METTL15: variants seen among roughly 807,000 people sequenced by gnomAD.
The protein encoded by METTL15 is 12S rRNA N(4)-cytidine methyltransferase METTL15.
A neutral mutation model predicts 38.3 loss-of-function variants in METTL15; 34 were observed. The ratio of observed to expected loss-of-function variants is 0.89; its 90% CI spans 0.68 to 1.18. The LOEUF is 1.18. Among genes scored for constraint, METTL15 ranks in the 50% most tolerant of loss-of-function variants. The pLI is 0.00. For missense variants in METTL15, 438 were observed against 498.4 expected (o/e 0.88, Z 1.15); for synonymous variants, 162 against 170.9 (o/e 0.95, Z 0.41).
intron 3 of METTL15, chr11:28,134,745 G>A (rs569730522): frequency 5.6e-5 from 22 of 395,140 alleles, no homozygotes; most frequent in Non-Finnish European, 8.0e-5. Context: ...GGAACAATTC[G>A]GGTTATTAGA....
chr11:28,333,843 T>C (rs1590336587), downstream of METTL15, among the ~76,000 whole-genome samples: 2 of 151,866 alleles, frequency 1.3e-5, no homozygotes, highest in African/African-American at 4.8e-5. Context: ...TAATTAGATT[T>C]TTTAAATGAA....
At chr11:28,513,957 C>A (rs1327559363) in intron 6 of METTL15, among the ~76,000 whole-genome samples, 1 of 152,186 alleles carries the variant, frequency 6.6e-6, no homozygotes, top group Non-Finnish European at 1.5e-5. Context: ...TGTTTATGGC[C>A]AGTTTTGGGG....
intron 3 of METTL15, among the ~76,000 whole-genome samples, chr11:28,203,487 A>G (rs1852191869): frequency 6.6e-6 from 1 of 152,108 alleles, no homozygotes; most frequent in African/African-American, 2.4e-5. Flanking sequence ...TAAGAAAGAG[A>G]AAACTTTTTG....
At chr11:28,352,155 A>T (rs1419560841) in exon 4 of METTL15, 1 of 152,248 alleles carries the variant, frequency 6.6e-6, no homozygotes, top group Non-Finnish European at 1.5e-5. Context: ...TCTTCACAGC[A>T]TAGGCAAGAA....
At chr11:28,432,348 C>T (rs1590372966) in intron 6 of METTL15, among the ~76,000 whole-genome samples, 1 of 152,126 alleles carries the variant, frequency 6.6e-6, no homozygotes, top group East Asian at 1.9e-4. Flanking sequence ...GTAAAAGAAT[C>T]AATAATTATG....
chr11:28,380,453 A>C (rs755681435), intron 5 of METTL15, among the ~76,000 whole-genome samples: 1 of 152,084 alleles, frequency 6.6e-6, no homozygotes, highest in Non-Finnish European at 1.5e-5. Context: ...TTAATTGGAG[A>C]ATTGAGTCAA....
intron 4 of METTL15, among the ~76,000 whole-genome samples, chr11:28,213,725 G>A (rs1439699405): frequency 1.4e-5 from 2 of 146,944 alleles, no homozygotes; most frequent in Non-Finnish European, 3.0e-5. Context: ...GCGCTATCTC[G>A]GCTCACTGCA....
At chr11:28,158,381 A>G (rs1482184932) in intron 3 of METTL15, among the ~76,000 whole-genome samples, 1 of 152,164 alleles carries the variant, frequency 6.6e-6, no homozygotes, top group Non-Finnish European at 1.5e-5. Flanking sequence ...GAGTTTATGC[A>G]TGGGCTCAGC....
At chr11:28,121,983 T>G (rs562951135) in intron 3 of METTL15, among the ~76,000 whole-genome samples, 1 of 152,114 alleles carries the variant, frequency 6.6e-6, no homozygotes, top group South Asian at 2.1e-4. Flanking sequence ...AATGCAGAAC[T>G]ACTAGACAAC....
At chr11:28,254,794 A>T (rs1443981344) in intron 4 of METTL15, among the ~76,000 whole-genome samples, 1 of 152,090 alleles carries the variant, frequency 6.6e-6, no homozygotes, top group African/African-American at 2.4e-5. Flanking sequence ...GTTGATGTAT[A>T]GATTTTTTTC....
At chr11:28,272,835 C>T (rs1166442466) in intron 4 of METTL15, among the ~76,000 whole-genome samples, 5 of 152,184 alleles carry the variant, frequency 3.3e-5, no homozygotes, top group African/African-American at 9.7e-5. Context: ...AATACTTTGA[C>T]TTCATGGTCT....
chr11:28,430,234 T>TCAGCCCCCCGCCAGGC (rs1850906107), intron 6 of METTL15, among the ~76,000 whole-genome samples: 2 of 114,700 alleles, frequency 1.7e-5, no homozygotes, highest in Non-Finnish European at 3.6e-5. Flanking sequence ...GTGGGGGGGG[T>TCAGCCCCCCGCCAGGC]CAGCCCCCCG....
intron 6 of METTL15, among the ~76,000 whole-genome samples, chr11:28,503,098 G>A (rs901541718): frequency 6.6e-6 from 1 of 152,142 alleles, no homozygotes; most frequent in African/African-American, 2.4e-5. Context: ...CCAGGACTCA[G>A]GCATTAGATG....
At chr11:28,355,103 T>A (rs1387426792) in intron 4 of METTL15, among the ~76,000 whole-genome samples, 1 of 152,134 alleles carries the variant, frequency 6.6e-6, no homozygotes. Context: ...TGTTCCTGGG[T>A]CACCCCCAAA....
intron 6 of METTL15, among the ~76,000 whole-genome samples, chr11:28,303,419 A>G (rs527794339): frequency 2.6e-5 from 4 of 152,316 alleles, no homozygotes; most frequent in Admixed American, 6.5e-5. Context: ...TCAAAGAAGT[A>G]TACCAGTCAC....
chr11:28,296,862 T>G lies in METTL15; in HGVS notation c.709T>G (p.Ser237Ala). The G allele has an allele frequency of 6.2e-7, 1 of 1,613,578 alleles. No homozygotes were observed. Among genetic ancestry groups the G allele is most frequent in the Non-Finnish European group, 8.5e-7 (1 of 1,179,710 alleles). Residue 237 changes from serine to alanine, a missense_variant, in exon 6 of 7, where the codon TCA becomes GCA. Physicochemically the swap from Ser to Ala is moderately conservative, Grantham distance 99. Transcript: ENST00000407364. ...GGAGAAGCATGCCAAGAAAATCGCT[T>G]CAGCAATTGTTCAGGCACGCAGCAT... Reference protein sequence around the residue: ...GEEKHAKKIASAIVQARSIYP... With the variant: ...GEEKHAKKIAAAIVQARSIYP...
chr11:28,333,977 GATA>G (rs1418770588), downstream of METTL15, among the ~76,000 whole-genome samples: 1 of 151,678 alleles, frequency 6.6e-6, no homozygotes, highest in African/African-American at 2.4e-5. Context: ...AAGAAGTAGA[GATA>G]ATGAATCTGT....
rs562657436 is a variant in METTL15, at chr11:28,492,780, A to G, written c.*425-33698A>G. ...GTATCTTATGTAAGTACAGACTGGA[A>G]TAATTTAAGGTATGTGAGGCACCTA... On this transcript the variant is annotated intron_variant and NMD_transcript_variant, in intron 6 of 7. Coordinates refer to the METTL15 transcript ENST00000532947. Among the ~76,000 whole-genome samples the G allele has an allele frequency of 3.5e-4, 54 of 152,278 alleles. 1 individual carries two copies. The South Asian group carries it at 0.011, about 30-fold the overall frequency.
intron 6 of METTL15, among the ~76,000 whole-genome samples, chr11:28,317,142 A>G (rs1451558743): frequency 6.6e-6 from 1 of 151,388 alleles, no homozygotes; most frequent in African/African-American, 2.4e-5. Flanking sequence ...TCCCTATTGT[A>G]TGAGGATTTG....
Sources: allele counts gnomAD v4.1 joint callset (sites outside exome capture counted in the v4.1 genomes callset), GRCh38; gene constraint gnomAD v4.1.1; transcripts MANE v1.5; gene names NCBI Gene and HGNC (gene_info 2026-07-23, HGNC 2026-07-21).